Variants in ALPK2 observed in about 807,000 individuals in gnomAD.
The protein encoded by ALPK2 is alpha kinase 2, also known as alpha-protein kinase 2.
Under a neutral mutation model 163.1 loss-of-function variants are expected in ALPK2, and 127 were observed. The ratio of observed to expected loss-of-function variants is 0.78; its 90% CI spans 0.67 to 0.90. ALPK2 has a LOEUF of 0.90. ALPK2 is among the 40% of genes least tolerant of loss of function. The probability of loss-of-function intolerance (pLI) is 0.00; values close to 1 mark genes in which losing one functional copy is unlikely to be tolerated. For missense variants in ALPK2, 2,360 were observed against 2,589.6 expected (o/e 0.91, Z 1.92); for synonymous variants, 953 against 959.1 (o/e 0.99, Z 0.12).
chr18:58,553,898 G>A (rs1227841774), intron 4 of ALPK2, among the ~76,000 whole-genome samples: 1 of 107,596 alleles, frequency 9.3e-6, no homozygotes, highest in Non-Finnish European at 1.7e-5. Flanking sequence ...GTCTCACTCT[G>A]TCACTCAGGC....
At chr18:58,624,858 G>C (rs2052221359) in intron 1 of ALPK2, among the ~76,000 whole-genome samples, 1 of 152,146 alleles carries the variant, frequency 6.6e-6, no homozygotes, top group Non-Finnish European at 1.5e-5. Context: ...CTCTATGTTG[G>C]ACATCAAGTT....
chr18:58,581,358 C>G (rs574327318), intron 3 of ALPK2, among the ~76,000 whole-genome samples: 16 of 152,174 alleles, frequency 1.1e-4, no homozygotes, highest in Non-Finnish European at 2.2e-4. Context: ...AGTGCTGTTT[C>G]CTTTTTAATT....
intron 3 of ALPK2, among the ~76,000 whole-genome samples, chr18:58,593,944 A>G: frequency 1.2e-5 from 1 of 86,076 alleles, no homozygotes; most frequent in Admixed American, 1.4e-4. Flanking sequence ...CTCTTCCCCC[A>G]ACCAAAAAAA....
intron 4 of ALPK2, among the ~76,000 whole-genome samples, chr18:58,555,263 G>A (rs888284520): frequency 1.3e-5 from 2 of 152,186 alleles, no homozygotes; most frequent in African/African-American, 4.8e-5. Flanking sequence ...TGTGGATTTG[G>A]AAGTAATTAA....
At chr18:58,610,093 A>G (rs1256307038) in intron 2 of ALPK2, among the ~76,000 whole-genome samples, 1 of 151,988 alleles carries the variant, frequency 6.6e-6, no homozygotes, top group Non-Finnish European at 1.5e-5. Flanking sequence ...TGGCCGACAT[A>G]GCGAAACCCC....
chr18:58,582,970 G>T (rs1404948835), intron 3 of ALPK2, among the ~76,000 whole-genome samples: 1 of 152,154 alleles, frequency 6.6e-6, no homozygotes, highest in African/African-American at 2.4e-5. Flanking sequence ...CCCCTAAGTA[G>T]CAGGCTTCAG....
At position 58,537,290 on chromosome 18, in the gene ALPK2, G is replaced by A; in HGVS notation, c.2897C>T (p.Pro966Leu). The change falls in exon 5 of 13, where the codon CCT becomes CTT. Residue 966 changes from proline (P) to leucine (L), a missense_variant. By Grantham distance (98) the Pro-to-Leu change is moderately conservative. Coordinates refer to ENST00000361673, the MANE Select transcript of ALPK2 (RefSeq NM_052947.4). ...TGTGGCTGTGGTGTCTGCGGCACTA[G>A]GACTGGGGCTCTTGTCACCTCCTTC... Reference protein sequence around the residue: ...FKEGGDKSPSPSAADTTATPA... With the variant: ...FKEGGDKSPSLSAADTTATPA... The A allele has an allele frequency of 6.2e-7, 1 of 1,614,182 alleles. No individual in the cohort carries two copies. The highest frequency in any genetic ancestry group is 8.5e-7 in the Non-Finnish European group (1 of 1,180,014).
chr18:58,610,345 G>A (rs1395563035), intron 2 of ALPK2, among the ~76,000 whole-genome samples: 1 of 150,348 alleles, frequency 6.7e-6, no homozygotes, highest in African/African-American at 2.4e-5. Flanking sequence ...AAACACCATT[G>A]GCACCTTCAT....
chr18:58,541,822 G>A (rs191392645), intron 4 of ALPK2, among the ~76,000 whole-genome samples: 55 of 152,246 alleles, frequency 3.6e-4, no homozygotes, highest in Non-Finnish European at 7.4e-4. Flanking sequence ...CTTGCTTACG[G>A]CATCAGTTTC....
chr18:58,481,648 C>A lies in ALPK2; in HGVS notation c.*175G>T. ...CTGGTCGCAAATCCTGTTCTGAAATCATTTGAGTGAAGACAGCAGGTGATG... is the reference window on the plus strand; with the variant it reads ...CTGGTCGCAAATCCTGTTCTGAAATAATTTGAGTGAAGACAGCAGGTGATG... On this transcript the variant is annotated 3_prime_UTR_variant, in exon 13 of 13. Coordinates refer to ENST00000361673, the MANE Select transcript of ALPK2 (RefSeq NM_052947.4). The A allele has an allele frequency of 1.6e-6, 1 of 616,158 alleles. No individual in the cohort carries two copies. 38.2% of individuals were successfully genotyped at this position (616,158 alleles called of 1,614,324 possible). A position where few individuals can be genotyped will look rare whatever the true frequency, so the allele number is the denominator to read the frequency against.
At chr18:58,577,401 G>A (rs933219205) in intron 4 of ALPK2, among the ~76,000 whole-genome samples, 2 of 152,166 alleles carry the variant, frequency 1.3e-5, no homozygotes, top group Admixed American at 1.3e-4. Flanking sequence ...TTTGTCCAGT[G>A]AAACACTTTG....
intron 12 of ALPK2, among the ~76,000 whole-genome samples, chr18:58,484,455 G>A (rs1205751844): frequency 1.3e-5 from 2 of 152,140 alleles, no homozygotes; most frequent in Non-Finnish European, 2.9e-5. Context: ...ATAATTGGTG[G>A]GCTAAGTTTC....
chr18:58,621,301 G>A (rs1364256817), intron 1 of ALPK2, among the ~76,000 whole-genome samples: 1 of 149,972 alleles, frequency 6.7e-6, no homozygotes, highest in Non-Finnish European at 1.5e-5. Context: ...TTGAGGCGGA[G>A]TCTCGCTCTG....
At chr18:58,553,661 G>C (rs1389255144) in intron 4 of ALPK2, among the ~76,000 whole-genome samples, 3 of 151,884 alleles carry the variant, frequency 2.0e-5, no homozygotes, top group African/African-American at 7.3e-5. Context: ...TTTTCTAAGG[G>C]CCTGTTCCCT....
chr18:58,528,268 A>C (rs370336020), intron 6 of ALPK2, among the ~76,000 whole-genome samples: 1 of 152,062 alleles, frequency 6.6e-6, no homozygotes, highest in Admixed American at 6.5e-5. Context: ...GCAGTGGGTC[A>C]CTCCTGTAAT....
intron 3 of ALPK2, among the ~76,000 whole-genome samples, chr18:58,583,928 A>G (rs1407165732): frequency 2.0e-5 from 3 of 152,150 alleles, no homozygotes; most frequent in Non-Finnish European, 4.4e-5. Context: ...AGAAAAGAAA[A>G]GAAGGCTGAG....
At chr18:58,518,285 T>G (rs1377115436) in intron 8 of ALPK2, among the ~76,000 whole-genome samples, 3 of 152,224 alleles carry the variant, frequency 2.0e-5, no homozygotes, top group African/African-American at 4.8e-5. Context: ...CTATTAAAAC[T>G]ATAAGGAGAC....
At chr18:58,498,913 A>G (rs2051416410) in intron 11 of ALPK2, among the ~76,000 whole-genome samples, 1 of 152,166 alleles carries the variant, frequency 6.6e-6, no homozygotes, top group South Asian at 2.1e-4. Flanking sequence ...GCAGTGTGAA[A>G]ATGGACTAAC....
At chr18:58,588,890 G>T (rs1041935594) in intron 3 of ALPK2, among the ~76,000 whole-genome samples, 1 of 152,196 alleles carries the variant, frequency 6.6e-6, no homozygotes, top group Non-Finnish European at 1.5e-5. Flanking sequence ...GTGCTGCAAT[G>T]AACATATGCG....
Sources: allele counts gnomAD v4.1 joint callset (sites outside exome capture counted in the v4.1 genomes callset), GRCh38; gene constraint gnomAD v4.1.1; transcripts MANE v1.5; gene names NCBI Gene and HGNC (gene_info 2026-07-23, HGNC 2026-07-21).